RNGTT: variants seen among roughly 807,000 people sequenced by gnomAD.
RNGTT encodes the protein RNA guanylyltransferase and 5'-phosphatase.
RNGTT carries 33 observed loss-of-function variants against 79.3 expected under a neutral mutation model. The ratio of observed to expected loss-of-function variants is 0.42; its 90% CI spans 0.32 to 0.56. The LOEUF is 0.56. Among genes scored for constraint, RNGTT ranks in the 20% least tolerant of loss-of-function variants. The probability of loss-of-function intolerance (pLI) is 0.17; values close to 1 mark genes in which losing one functional copy is unlikely to be tolerated. For missense variants in RNGTT, 497 were observed against 739.1 expected (o/e 0.67, Z 3.80); for synonymous variants, 222 against 235.9 (o/e 0.94, Z 0.54).
At position 88,670,429 on chromosome 6, in the gene RNGTT, T is replaced by G. The variant is rs533530827; in HGVS notation, c.1506+7924A>C. Among the ~76,000 whole-genome samples the G allele has an allele frequency of 1.7e-3, 256 of 152,238 alleles. 1 individual carries two copies. Among genetic ancestry groups the G allele is most frequent in the African/African-American group, 5.8e-3 (241 of 41,546 alleles). ...TTACATGAATCACTATCGGTCTGTC[T>G]CGCAAAAAGACCTAGATAGTGAGGA... is the stretch of plus-strand genomic sequence containing the variant. On this transcript the variant is annotated intron_variant, in intron 14 of 15. Transcript: ENST00000369485.
At chr6:88,829,343 C>T (rs977731510) in intron 11 of RNGTT, among the ~76,000 whole-genome samples, 1 of 152,134 alleles carries the variant, frequency 6.6e-6, no homozygotes. Flanking sequence ...TTTGTCACCA[C>T]CAGGGCTGCC....
intron 8 of RNGTT, among the ~76,000 whole-genome samples, chr6:88,888,057 C>T (rs1249708077): frequency 2.6e-5 from 4 of 152,036 alleles, no homozygotes; most frequent in Admixed American, 6.6e-5. Context: ...GTCAAGGTTG[C>T]AGTGAGCAAT....
In RNGTT at chr6:88,750,485, T is replaced by C. The variant is rs187476294; in HGVS notation, c.1439+19289A>G. On this transcript the variant is annotated intron_variant, in intron 13 of 15. Transcript: ENST00000369485. The stretch of plus-strand genomic sequence containing the variant: ...GAGGGAGGCAAAGATGGTCCACAGG[T>C]TTCTGGCTTATGAAACTGGTTGGAA... Among the ~76,000 whole-genome samples, 365 of 152,248 alleles carry C rather than the reference T, an allele frequency of 2.4e-3. 1 individual carries two copies. The highest frequency in any genetic ancestry group is 8.3e-3 in the African/African-American group (346 of 41,568).
intron 9 of RNGTT, among the ~76,000 whole-genome samples, chr6:88,851,506 C>T (rs1024902278): frequency 6.6e-6 from 1 of 151,952 alleles, no homozygotes; most frequent in African/African-American, 2.4e-5. Flanking sequence ...TTGCCATTAA[C>T]TTTAATGATT....
intron 13 of RNGTT, among the ~76,000 whole-genome samples, chr6:88,757,115 T>C (rs975084134): frequency 3.9e-5 from 6 of 152,154 alleles, no homozygotes; most frequent in Non-Finnish European, 7.4e-5. Context: ...TAAATGTATA[T>C]CAGTTACTGG....
chr6:88,718,324 T>A (rs1384204061), intron 13 of RNGTT, among the ~76,000 whole-genome samples: 1 of 150,966 alleles, frequency 6.6e-6, no homozygotes, highest in African/African-American at 2.4e-5. Flanking sequence ...GAGGTGGAGG[T>A]TATAGTGAGC....
intron 8 of RNGTT, among the ~76,000 whole-genome samples, chr6:88,886,964 A>G (rs1350099395): frequency 2.0e-5 from 3 of 150,742 alleles, no homozygotes; most frequent in African/African-American, 7.3e-5. Flanking sequence ...TAATCCCAGT[A>G]CTTCAGGAGG....
intron 11 of RNGTT, among the ~76,000 whole-genome samples, chr6:88,817,371 G>C (rs972390852): frequency 2.6e-5 from 4 of 151,748 alleles, no homozygotes; most frequent in African/African-American, 9.7e-5. Flanking sequence ...CCCAGGCACA[G>C]TGGCTTACAC....
intron 12 of RNGTT, among the ~76,000 whole-genome samples, chr6:88,771,833 A>G (rs1017703871): frequency 2.6e-5 from 4 of 152,102 alleles, no homozygotes; most frequent in African/African-American, 9.7e-5. Context: ...TTTTGCTTCT[A>G]TACACCAGCA....
intron 14 of RNGTT, among the ~76,000 whole-genome samples, chr6:88,672,711 A>AT (rs1476659192): frequency 6.6e-6 from 1 of 152,164 alleles, no homozygotes; most frequent in Admixed American, 6.5e-5. Context: ...TAAAGTAATA[A>AT]TTTTTCAAAA....
intron 13 of RNGTT, among the ~76,000 whole-genome samples, chr6:88,685,613 C>T (rs1223656474): frequency 6.6e-6 from 1 of 151,502 alleles, no homozygotes; most frequent in African/African-American, 2.4e-5. Context: ...GCAAAGAAAA[C>T]CATCAAATTG....
chr6:88,752,462 CA>C (rs912757690), intron 13 of RNGTT, among the ~76,000 whole-genome samples: 1 of 151,986 alleles, frequency 6.6e-6, no homozygotes, highest in African/African-American at 2.4e-5. Flanking sequence ...CTTAATAGAG[CA>C]AACTATAACA....
intron 8 of RNGTT, among the ~76,000 whole-genome samples, chr6:88,861,468 T>A (rs1434500963): frequency 6.6e-6 from 1 of 152,222 alleles, no homozygotes; most frequent in Non-Finnish European, 1.5e-5. Context: ...AAATTCTGCC[T>A]CTGATAACCT....
chr6:88,685,373 C>A (rs907591542), intron 13 of RNGTT, among the ~76,000 whole-genome samples: 1 of 151,870 alleles, frequency 6.6e-6, no homozygotes, highest in African/African-American at 2.4e-5. Flanking sequence ...AAACTGTATG[C>A]CGAAAGAGAA....
chr6:88,643,872 T>C (rs1467262118), intron 14 of RNGTT, among the ~76,000 whole-genome samples: 2 of 152,212 alleles, frequency 1.3e-5, no homozygotes, highest in African/African-American at 4.8e-5. Flanking sequence ...GGGAAATGTA[T>C]GGCACTAAAT....
intron 9 of RNGTT, among the ~76,000 whole-genome samples, chr6:88,851,199 T>C (rs919290171): frequency 2.8e-5 from 4 of 143,328 alleles, no homozygotes; most frequent in African/African-American, 1.0e-4. Flanking sequence ...AGAACTAAAT[T>C]TAAAAAAAAA....
chr6:88,754,131 A>G (rs1777928637), intron 13 of RNGTT, among the ~76,000 whole-genome samples: 1 of 152,228 alleles, frequency 6.6e-6, no homozygotes, highest in Non-Finnish European at 1.5e-5. Flanking sequence ...ATAAATCTAA[A>G]CATGTCTGAC....
chr6:88,942,789 A>G (rs2127959331), intron 1 of RNGTT, among the ~76,000 whole-genome samples: 2 of 152,342 alleles, frequency 1.3e-5, no homozygotes, highest in South Asian at 4.1e-4. Context: ...TGTTTTCTAC[A>G]AAATCAAAGT....
chr6:88,810,041 T>A (rs1190282160), intron 11 of RNGTT, among the ~76,000 whole-genome samples: 1 of 151,576 alleles, frequency 6.6e-6, no homozygotes, highest in Admixed American at 6.6e-5. Flanking sequence ...GAATTAGATA[T>A]CGCCTAACAA....
Sources: gnomAD v4.1 joint callset for allele counts (sites outside exome capture counted in the v4.1 genomes callset) on GRCh38, gnomAD v4.1.1 for gene constraint, MANE v1.5 for transcripts, NCBI Gene and HGNC (gene_info 2026-07-23, HGNC 2026-07-21) for gene names.